Variants in ZNF251 observed in about 807,000 individuals in gnomAD.
ZNF251 encodes zinc finger protein 251.
A neutral mutation model predicts 13.5 loss-of-function variants in ZNF251; 14 were observed. The ratio of observed to expected loss-of-function variants is 1.04; its 90% CI spans 0.69 to 1.63. ZNF251 has a LOEUF of 1.63. Among genes scored for constraint, ZNF251 ranks in the 40% most tolerant of loss-of-function variants. The pLI is 0.00. For synonymous variants in ZNF251, 287 were observed against 295.2 expected (o/e 0.97, Z 0.28); for missense variants, 764 against 834.9 (o/e 0.92, Z 1.05).
chr8:144,732,682 G>T (rs372148528), intron 4 of ZNF251, among the ~76,000 whole-genome samples: 2 of 151,598 alleles, frequency 1.3e-5, no homozygotes, highest in Non-Finnish European at 3.0e-5. Flanking sequence ...TGTGGTGGCA[G>T]GCACTTATAG....
chr8:144,737,656 C>T (rs1011891908), intron 4 of ZNF251, among the ~76,000 whole-genome samples: 1 of 151,626 alleles, frequency 6.6e-6, no homozygotes, highest in Non-Finnish European at 1.5e-5. Flanking sequence ...CACGGTGAAA[C>T]CCCGTCTCTA....
chr8:144,726,022 C>A (rs1222528082), intron 4 of ZNF251, among the ~76,000 whole-genome samples: 1 of 151,254 alleles, frequency 6.6e-6, no homozygotes, highest in Non-Finnish European at 1.5e-5. Flanking sequence ...CATGGTGAAA[C>A]CCCATTTCTA....
At position 144,734,088 on chromosome 8, in the gene ZNF251, G is replaced by A. The variant is rs946581363; in HGVS notation, c.278-10706C>T. 2.6e-5 allele frequency among the ~76,000 whole-genome samples: 4 copies of A among 152,176 alleles called. No homozygotes were observed. Among genetic ancestry groups the A allele is most frequent in the Non-Finnish European group, 5.9e-5 (4 of 68,028 alleles). Reference sequence around the variant, plus strand: ...CAGGTAAGCGTGGCTCTGTGTTTCCGAAATCCTGACCCAGGAGGCGCCCAC... The same window carrying A: ...CAGGTAAGCGTGGCTCTGTGTTTCCAAAATCCTGACCCAGGAGGCGCCCAC... On this transcript the variant is annotated intron_variant, in intron 4 of 4. Coordinates refer to ENST00000292562, the MANE Select transcript of ZNF251 (RefSeq NM_138367.2). The surrounding 1 kb of genome is among the most constrained non-coding windows in gnomAD (Gnocchi z 4.4).
At chr8:144,750,846 G>GTTTTTTT (rs58473905) in intron 4 of ZNF251, among the ~76,000 whole-genome samples, 7 of 141,308 alleles carry the variant, frequency 5.0e-5, no homozygotes, top group Non-Finnish European at 7.6e-5. Flanking sequence ...TCTCTCCAGA[G>GTTTTTTT]TTTTTTTTTT....
chr8:144,748,485 C>T (rs1255686628), intron 4 of ZNF251, among the ~76,000 whole-genome samples: 3 of 151,916 alleles, frequency 2.0e-5, no homozygotes, highest in Non-Finnish European at 2.9e-5. Context: ...CTTTCTCCAT[C>T]CCTTTTGTGT....
chr8:144,753,138 GGTGACATGTGCCT>G (rs1314335290), intron 4 of ZNF251, among the ~76,000 whole-genome samples: 1 of 151,890 alleles, frequency 6.6e-6, no homozygotes, highest in Non-Finnish European at 1.5e-5. Context: ...AGCCAGGTAT[GGTGACATGTGCCT>G]GTAGTCCTAG....
Position 144,754,765 on chromosome 8 carries a change from A to T in ZNF251, c.-37T>A. On this transcript the variant is annotated 5_prime_UTR_variant, in exon 2 of 5. Transcript: ENST00000292562. ...GGGCTGCTGTGGTTTCCAAGAGAAGACAGGAGACTGCCCTGGCCTGAAGTC... is the reference window on the plus strand; with the variant it reads ...GGGCTGCTGTGGTTTCCAAGAGAAGTCAGGAGACTGCCCTGGCCTGAAGTC... The T allele has an allele frequency of 6.2e-7, 1 of 1,608,428 alleles. No homozygotes were observed. The highest frequency in any genetic ancestry group is 8.5e-7 in the Non-Finnish European group (1 of 1,177,502).
At chr8:144,730,730 A>G (rs1017179566) in intron 4 of ZNF251, among the ~76,000 whole-genome samples, 1 of 152,254 alleles carries the variant, frequency 6.6e-6, no homozygotes, top group Non-Finnish European at 1.5e-5. Flanking sequence ...AGGGCAGGAC[A>G]GGACGGAGCC....
chr8:144,747,719 TCTC>T (rs987268105), intron 4 of ZNF251, among the ~76,000 whole-genome samples: 13 of 151,990 alleles, frequency 8.6e-5, no homozygotes, highest in Admixed American at 8.5e-4. Flanking sequence ...TTCAAGCAAT[TCTC>T]CTGCCTCAGC....
chr8:144,722,914 C>T lies in ZNF251; in HGVS notation c.746G>A (p.Ser249Asn), dbSNP rs1823413051. 6.2e-7 allele frequency: 1 copy of T among 1,613,906 alleles called. No homozygotes were observed. Among genetic ancestry groups the T allele is most frequent in the Admixed American group, 1.7e-5 (1 of 60,000 alleles). Residue 249 changes from serine (S) to asparagine (N), a missense_variant, in exon 5 of 5, where the codon AGC becomes AAC. Coordinates refer to ENST00000292562, the MANE Select transcript of ZNF251 (RefSeq NM_138367.2). This position sits in a 1 kb window ranked among gnomAD's most constrained non-coding sequence, Gnocchi z 4.8. ...CGRCGRAFTH[S>N]SNLVLHHHIH... is the part of the protein sequence containing the mutation. ...GTGATGGTGCAGAACAAGATTTGAG[C>T]TGTGAGTAAAGGCTCGCCCACACCG... is the stretch of plus-strand genomic sequence containing the variant.
intron 4 of ZNF251, among the ~76,000 whole-genome samples, chr8:144,730,553 C>T (rs964895925): frequency 1.4e-5 from 2 of 146,414 alleles, no homozygotes; most frequent in South Asian, 4.6e-4. Context: ...GACGCTGCGA[C>T]GGGGCGTCCC....
At chr8:144,744,965 A>G (rs1225797514) in intron 4 of ZNF251, among the ~76,000 whole-genome samples, 1 of 152,194 alleles carries the variant, frequency 6.6e-6, no homozygotes, top group African/African-American at 2.4e-5. Context: ...CTGAGGCAGG[A>G]GAATCACTTG....
chr8:144,740,830 G>A (rs1824125659), intron 4 of ZNF251, among the ~76,000 whole-genome samples: 1 of 152,070 alleles, frequency 6.6e-6, no homozygotes, highest in Admixed American at 6.6e-5. Flanking sequence ...CTACTCGGGA[G>A]GCTGAGGCAG....
At chr8:144,753,941 G>C (rs1824827641) in intron 3 of ZNF251, 145 bp from the exon 4 acceptor site, 1 of 774,116 alleles carries the variant, frequency 1.3e-6, no homozygotes, top group Non-Finnish European at 2.0e-6. Flanking sequence ...AGTACTGAAG[G>C]AGAATCCACT....
chr8:144,724,472 AG>A (rs1193731025), intron 4 of ZNF251, among the ~76,000 whole-genome samples: 2 of 152,084 alleles, frequency 1.3e-5, no homozygotes, highest in Non-Finnish European at 2.9e-5. Flanking sequence ...CTGGGACTAC[AG>A]GTGCAGGCCA....
Position 144,722,099 on chromosome 8 carries a change from G to A in ZNF251, c.1561C>T (p.His521Tyr). The part of the protein sequence containing the change: ...HSGETRKCRK[H>Y]GPAFVHGSSL... ...GAGCCATGAACAAAGGCTGGACCAT[G>A]TTTTCTGCACTTACGAGTCTCTCCG... Residue 521 changes from histidine (H) to tyrosine (Y), a missense_variant, in exon 5 of 5, where the codon CAT becomes TAT. His to Tyr is a moderately conservative substitution (Grantham distance 83, BLOSUM62 2). Transcript: ENST00000292562. This position sits in a 1 kb window ranked among gnomAD's most constrained non-coding sequence, Gnocchi z 4.8. 1 of 1,613,912 alleles carries A rather than the reference G, an allele frequency of 6.2e-7. No individual in the cohort carries two copies. The highest frequency in any genetic ancestry group is 8.5e-7 in the Non-Finnish European group (1 of 1,179,878).
At chr8:144,732,659 A>C (rs936024053) in intron 4 of ZNF251, among the ~76,000 whole-genome samples, 1 of 151,972 alleles carries the variant, frequency 6.6e-6, no homozygotes, top group Non-Finnish European at 1.5e-5. Context: ...AAAAATACAA[A>C]AAATTAGCTG....
chr8:144,733,651 C>T (rs906341314), intron 4 of ZNF251, among the ~76,000 whole-genome samples: 7 of 152,134 alleles, frequency 4.6e-5, no homozygotes, highest in African/African-American at 1.7e-4. Flanking sequence ...GGGCTTCCAC[C>T]CATACCCTGG....
At position 144,723,235 on chromosome 8, in the gene ZNF251, T is replaced by C. The variant is rs747017272; in HGVS notation, c.425A>G (p.Lys142Arg). The change falls in exon 5 of 5, where the codon AAA (lysine) becomes AGA (arginine). Residue 142 changes from lysine (K) to arginine (R), a missense_variant. Coordinates refer to ENST00000292562, the MANE Select transcript of ZNF251 (RefSeq NM_138367.2). ...AGAATTTCCCACGCGCTCTTTGAGT[T>C]TGCCCTCACGGCCCCATGCTTCCCG... ...EFREAWGREG[K>R]LKERVGNSAG... The C allele has an allele frequency of 1.2e-6, 2 of 1,613,566 alleles. No homozygotes were observed. The highest frequency in any genetic ancestry group is 2.7e-5 in the African/African-American group (2 of 74,916).
Sources: allele counts gnomAD v4.1 joint callset (sites outside exome capture counted in the v4.1 genomes callset), GRCh38; gene constraint gnomAD v4.1.1; non-coding constraint Gnocchi (gnomAD v3.1); transcripts MANE v1.5; gene names NCBI Gene and HGNC (gene_info 2026-07-23, HGNC 2026-07-21).